CTNNA3: variants seen among roughly 807,000 people sequenced by gnomAD.
CTNNA3 encodes the protein catenin alpha 3.
CTNNA3 carries 76 observed loss-of-function variants against 95.7 expected under a neutral mutation model. The ratio of observed to expected loss-of-function variants is 0.79; its 90% confidence interval spans 0.66 to 0.96. CTNNA3 has a LOEUF of 0.96. CTNNA3 is among the 40% of genes least tolerant of loss of function. CTNNA3 has a pLI of 0.00. For synonymous variants in CTNNA3, 431 were observed against 374.4 expected (o/e 1.15, Z -1.74); for missense variants, 1,191 against 1,089.8 (o/e 1.09, Z -1.31).
chr10:66,488,540 C>T (rs2131926551), intron 11 of CTNNA3, among the ~76,000 whole-genome samples: 1 of 152,214 alleles, frequency 6.6e-6, no homozygotes, highest in Non-Finnish European at 1.5e-5. Flanking sequence ...TTAGTAGTTC[C>T]TATGGAGTGA....
chr10:66,598,803 G>A (rs2132251853), intron 10 of CTNNA3, among the ~76,000 whole-genome samples: 1 of 152,068 alleles, frequency 6.6e-6, no homozygotes, highest in Middle Eastern at 3.4e-3. Flanking sequence ...AATTAATATT[G>A]TTGAAATATT....
intron 12 of CTNNA3, among the ~76,000 whole-genome samples, chr10:66,340,840 A>G (rs546118352): frequency 1.3e-4 from 20 of 151,942 alleles, no homozygotes; most frequent in African/African-American, 4.3e-4. Flanking sequence ...CAAAGGTAAC[A>G]TTATTTTTAT....
chr10:67,361,082 A>C (rs780432532), intron 5 of CTNNA3, among the ~76,000 whole-genome samples: 1 of 152,186 alleles, frequency 6.6e-6, no homozygotes, highest in Admixed American at 6.5e-5. Context: ...AGACTTAACT[A>C]TCTAAAATAT....
chr10:66,530,717 C>CT (rs1372880692), intron 10 of CTNNA3, among the ~76,000 whole-genome samples: 1 of 152,064 alleles, frequency 6.6e-6, no homozygotes, highest in African/African-American at 2.4e-5. Context: ...GCCTCACAAC[C>CT]TTTTTTGTAA....
intron 7 of CTNNA3, among the ~76,000 whole-genome samples, chr10:66,905,069 C>T (rs890009033): frequency 2.6e-5 from 4 of 152,176 alleles, no homozygotes; most frequent in Non-Finnish European, 5.9e-5. Flanking sequence ...GACACATGCA[C>T]ACGTGTGTTT....
intron 12 of CTNNA3, among the ~76,000 whole-genome samples, chr10:66,283,982 T>C (rs931262571): frequency 1.3e-5 from 2 of 151,900 alleles, no homozygotes; most frequent in Non-Finnish European, 2.9e-5. Flanking sequence ...ACAATCATGC[T>C]ATAGAATTAT....
intron 17 of CTNNA3, among the ~76,000 whole-genome samples, chr10:65,925,438 T>A (rs776719638): frequency 6.6e-6 from 1 of 152,142 alleles, no homozygotes; most frequent in Admixed American, 6.6e-5. Context: ...TCTTCTAATA[T>A]ATCTTTTCTT....
chr10:66,731,836 A>G (rs1343919455), intron 9 of CTNNA3, among the ~76,000 whole-genome samples: 2 of 152,168 alleles, frequency 1.3e-5, no homozygotes, highest in Non-Finnish European at 2.9e-5. Flanking sequence ...TCCGGATGAC[A>G]TTCCAAACTA....
At chr10:66,975,034 T>A (rs1304814926) in intron 7 of CTNNA3, among the ~76,000 whole-genome samples, 1 of 152,182 alleles carries the variant, frequency 6.6e-6, no homozygotes, top group Non-Finnish European at 1.5e-5. Flanking sequence ...GAAGAGGAGA[T>A]GAGTAATCTG....
chr10:66,379,804 T>C (rs951747754), intron 11 of CTNNA3, among the ~76,000 whole-genome samples: 6 of 152,202 alleles, frequency 3.9e-5, no homozygotes, highest in Non-Finnish European at 8.8e-5. Flanking sequence ...GAAAGTTGCC[T>C]ACTCTGAAGA....
At chr10:67,268,353 T>TTAAATTAAA (rs1554815973) in intron 5 of CTNNA3, among the ~76,000 whole-genome samples, 2 of 148,704 alleles carry the variant, frequency 1.3e-5, no homozygotes, top group Non-Finnish European at 3.0e-5. Flanking sequence ...TTAAATTAAA[T>TTAAATTAAA]TAAATAAATA....
chr10:67,131,658 G>A (rs1202088767), intron 7 of CTNNA3, among the ~76,000 whole-genome samples: 1 of 152,058 alleles, frequency 6.6e-6, no homozygotes, highest in African/African-American at 2.4e-5. Context: ...TCAGCACCTA[G>A]AAGAGGATTT....
chr10:67,306,261 G>A (rs1840550199), intron 5 of CTNNA3, among the ~76,000 whole-genome samples: 2 of 152,116 alleles, frequency 1.3e-5, no homozygotes, highest in African/African-American at 2.4e-5. Flanking sequence ...AAAAGATAAA[G>A]TTTGGGAAAA....
intron 5 of CTNNA3, among the ~76,000 whole-genome samples, chr10:67,423,933 C>A (rs1845829330): frequency 6.6e-6 from 1 of 152,140 alleles, no homozygotes; most frequent in African/African-American, 2.4e-5. Context: ...TATCATCTTC[C>A]CTTAGAAATA....
At chr10:67,620,930 T>TATATATAC (rs1442158238) in intron 2 of CTNNA3, among the ~76,000 whole-genome samples, 2 of 103,260 alleles carry the variant, frequency 1.9e-5, no homozygotes, top group Non-Finnish European at 3.4e-5. Flanking sequence ...TGTGTATATA[T>TATATATAC]ATATATATAT....
At chr10:67,191,776 G>A (rs1230765440) in intron 6 of CTNNA3, among the ~76,000 whole-genome samples, 2 of 151,718 alleles carry the variant, frequency 1.3e-5, no homozygotes, top group Non-Finnish European at 2.9e-5. Context: ...AACCACAAAA[G>A]ACCACAAATA....
At chr10:66,725,063 A>G (rs540267016) in intron 9 of CTNNA3, among the ~76,000 whole-genome samples, 133 of 152,248 alleles carry the variant, frequency 8.7e-4, no homozygotes, top group African/African-American at 3.2e-3. Context: ...TAGATTACTT[A>G]TAATTTATAA....
intron 4 of CTNNA3, among the ~76,000 whole-genome samples, chr10:67,535,729 G>A (rs527268118): frequency 1.7e-3 from 261 of 152,210 alleles, no homozygotes; most frequent in African/African-American, 6.1e-3. Context: ...AGAATGCATA[G>A]AAAAGGATTT....
chr10:67,157,507 A>G (rs773803264), intron 7 of CTNNA3, among the ~76,000 whole-genome samples: 9 of 152,186 alleles, frequency 5.9e-5, no homozygotes, highest in Non-Finnish European at 1.2e-4. Flanking sequence ...AGGAGAACAC[A>G]TATCTCTGGG....
Sources: gnomAD v4.1 joint callset for allele counts (sites outside exome capture counted in the v4.1 genomes callset) on GRCh38, gnomAD v4.1.1 for gene constraint, MANE v1.5 for transcripts, NCBI Gene and HGNC (gene_info 2026-07-23, HGNC 2026-07-21) for gene names.